DDR2: variants seen among roughly 807,000 people sequenced by gnomAD.
DDR2 encodes the protein discoidin domain-containing receptor 2.
Under a neutral mutation model 94.9 loss-of-function variants are expected in DDR2, and 27 were observed. The ratio of observed to expected loss-of-function variants is 0.28; its 90% CI spans 0.21 to 0.39. The LOEUF is 0.39. DDR2 is among the 10% of genes least tolerant of loss of function. DDR2 has a pLI of 1.00. For missense variants in DDR2, 783 were observed against 1,076.0 expected, an observed-to-expected ratio of 0.73 and a Z score of 3.81; for synonymous variants, 382 against 377.2, an observed-to-expected ratio of 1.01 and a Z score of -0.15.
At chr1:162,770,229 T>C in intron 11 of DDR2, 73 bp from the exon 12 acceptor site, 1 of 1,419,134 alleles carries the variant, frequency 7.0e-7, no homozygotes, top group South Asian at 1.1e-5. Flanking sequence ...GTGGGAGAGC[T>C]GAGTTTAAGA....
At chr1:162,708,594 G>A (rs891036776) in intron 2 of DDR2, among the ~76,000 whole-genome samples, 2 of 152,186 alleles carry the variant, frequency 1.3e-5, no homozygotes, top group African/African-American at 4.8e-5. Context: ...AGAAGTGGCT[G>A]CCACTCAGTT....
chr1:162,772,272 A>G (rs1001317330), intron 13 of DDR2, 25 bp downstream of exon 13: 47 of 1,609,984 alleles, frequency 2.9e-5, no homozygotes, highest in Admixed American at 6.7e-5. Flanking sequence ...TGATTCCCTT[A>G]TAGCTCGAAG....
At chr1:162,681,764 C>T (rs1439299012) in intron 2 of DDR2, among the ~76,000 whole-genome samples, 1 of 152,126 alleles carries the variant, frequency 6.6e-6, no homozygotes, top group East Asian at 1.9e-4. Flanking sequence ...CCCACAAAGG[C>T]TTCAACTCCA....
intron 3 of DDR2, among the ~76,000 whole-genome samples, chr1:162,734,894 A>G (rs1296562800): frequency 6.6e-6 from 1 of 152,186 alleles, no homozygotes; most frequent in African/African-American, 2.4e-5. Flanking sequence ...TAGGAAGCTA[A>G]TTTGGGCTAT....
rs572525987 is a variant in DDR2 at position 162,715,210 on chromosome 1, G to T, written c.-27-3827G>T. Among the ~76,000 whole-genome samples the T allele has an allele frequency of 3.3e-5, 5 of 152,282 alleles. No individual in the cohort carries two copies. In the South Asian group the frequency reaches 1.0e-3, roughly 32 times the overall value. On this transcript the variant is annotated intron_variant, in intron 2 of 17. Coordinates refer to ENST00000367921, the MANE Select transcript of DDR2 (RefSeq NM_006182.4). ...CTGCAAATACTTATCAGGCACTCTGGTAGTGTTGAGACTACAACAACGAAT... is the reference window on the plus strand; with the variant it reads ...CTGCAAATACTTATCAGGCACTCTGTTAGTGTTGAGACTACAACAACGAAT...
intron 2 of DDR2, among the ~76,000 whole-genome samples, chr1:162,702,001 G>A (rs1051723108): frequency 1.3e-5 from 2 of 152,150 alleles, no homozygotes; most frequent in African/African-American, 4.8e-5. Context: ...TCCCACTGGA[G>A]CTGTATTAAG....
intron 3 of DDR2, among the ~76,000 whole-genome samples, chr1:162,721,176 A>C (rs1350645218): frequency 6.6e-6 from 1 of 152,224 alleles, no homozygotes; most frequent in Non-Finnish European, 1.5e-5. Context: ...GGTGGTAAGC[A>C]TAGTCATGGA....
intron 2 of DDR2, among the ~76,000 whole-genome samples, chr1:162,660,500 A>G (rs1183071440): frequency 6.6e-6 from 1 of 152,198 alleles, no homozygotes; most frequent in African/African-American, 2.4e-5. Context: ...ACCTCAGACT[A>G]AATCAGAATC....
At chr1:162,720,721 CA>C (rs1661382294) in intron 3 of DDR2, among the ~76,000 whole-genome samples, 1 of 152,008 alleles carries the variant, frequency 6.6e-6, no homozygotes. Context: ...TGCATAATAC[CA>C]AAAATTTTTT....
Position 162,784,109 on chromosome 1 carries a change from C to T in DDR2, c.*3863C>T, listed in dbSNP as rs1450250419. The stretch of plus-strand genomic sequence containing the variant: ...TCTGATATCTGCACAAACAGATATG[C>T]ACCATGTTGGAAACATGTGTTTTCC... On this transcript the variant is annotated 3_prime_UTR_variant, in exon 18 of 18. Coordinates refer to ENST00000367921, the MANE Select transcript of DDR2 (RefSeq NM_006182.4). 1 of 152,138 alleles carries T rather than the reference C, an allele frequency of 6.6e-6. No homozygotes were observed. Among genetic ancestry groups the T allele is most frequent in the African/African-American group, 2.4e-5 (1 of 41,432 alleles). 9.4% of individuals were successfully genotyped at this position (152,138 alleles called of 1,614,324 possible).
At chr1:162,740,089 A>G (rs1160659939) in intron 3 of DDR2, among the ~76,000 whole-genome samples, 2 of 152,216 alleles carry the variant, frequency 1.3e-5, no homozygotes, top group Non-Finnish European at 2.9e-5. Flanking sequence ...AATATTTTTA[A>G]ATACCTATTT....
At chr1:162,661,214 A>G (rs973600700) in intron 2 of DDR2, among the ~76,000 whole-genome samples, 1 of 152,228 alleles carries the variant, frequency 6.6e-6, no homozygotes, top group African/African-American at 2.4e-5. Context: ...ATAATTTTAT[A>G]TAATTTTATT....
intron 3 of DDR2, among the ~76,000 whole-genome samples, chr1:162,737,104 T>C (rs1571265160): frequency 6.6e-6 from 1 of 151,598 alleles, no homozygotes; most frequent in South Asian, 2.1e-4. Context: ...CTTTCTTTTT[T>C]TTCGTTTCTT....
rs143472630 is a variant in DDR2 at position 162,749,526 on chromosome 1, C to T, written c.83-3569C>T. Among the ~76,000 whole-genome samples the T allele has an allele frequency of 9.5e-3, 1,442 of 152,180 alleles. 21 individuals carry two copies. Among genetic ancestry groups the T allele is most frequent in the African/African-American group, 0.033 (1,377 of 41,504 alleles). ...GCGGCAATAATTAATAGCCTACCAA[C>T]CAAAAAAAGTCCAGGACCAGATGGA... On this transcript the variant is annotated intron_variant, in intron 3 of 17. Transcript: ENST00000367921.
intron 11 of DDR2, 57 bp from the exon 12 acceptor site, chr1:162,770,245 A>G: frequency 6.6e-7 from 1 of 1,514,762 alleles, no homozygotes; most frequent in Non-Finnish European, 9.2e-7. Context: ...TAAGAAGAGG[A>G]GGCATTGACC....
intron 1 of DDR2, among the ~76,000 whole-genome samples, chr1:162,641,836 G>A (rs1279057979): frequency 6.6e-6 from 1 of 152,206 alleles, no homozygotes; most frequent in African/African-American, 2.4e-5. Context: ...TGTGAACATT[G>A]TAGAAATATA....
At chr1:162,721,257 G>A (rs1237164206) in intron 3 of DDR2, among the ~76,000 whole-genome samples, 7 of 152,176 alleles carry the variant, frequency 4.6e-5, no homozygotes, top group Admixed American at 2.0e-4. Flanking sequence ...AGTCCACACT[G>A]TGGCCCTGGA....
chr1:162,638,584 C>T (rs567312263), intron 1 of DDR2, among the ~76,000 whole-genome samples: 2 of 152,258 alleles, frequency 1.3e-5, no homozygotes, highest in East Asian at 3.9e-4. Context: ...AAAAGAAAAT[C>T]GCACTTTGGA....
intron 2 of DDR2, among the ~76,000 whole-genome samples, chr1:162,686,541 A>G (rs1343898239): frequency 6.6e-6 from 1 of 152,210 alleles, no homozygotes; most frequent in Non-Finnish European, 1.5e-5. Context: ...TGCAAAGGAT[A>G]TGAACTCATT....
Sources: gnomAD v4.1 joint callset for allele counts (sites outside exome capture counted in the v4.1 genomes callset) on GRCh38, gnomAD v4.1.1 for gene constraint, MANE v1.5 for transcripts, NCBI Gene and HGNC (gene_info 2026-07-23, HGNC 2026-07-21) for gene names.